Variants in POLR2B observed in about 807,000 individuals in gnomAD.
POLR2B encodes RNA polymerase II subunit B.
Under a neutral mutation model 144.6 loss-of-function variants are expected in POLR2B, and 57 were observed. The ratio of observed to expected loss-of-function variants is 0.39; its 90% CI spans 0.32 to 0.49. The LOEUF is 0.49. POLR2B is among the 20% of genes least tolerant of loss of function. The pLI is 0.83. For synonymous variants in POLR2B, 442 were observed against 469.8 expected (o/e 0.94, Z 0.77); for missense variants, 595 against 1,467.4 (o/e 0.41, Z 9.71).
chr4:56,982,623 C>A lies in POLR2B; in HGVS notation c.19+3619C>A, dbSNP rs571166864. Among the ~76,000 whole-genome samples the A allele has an allele frequency of 6.6e-5, 10 of 151,996 alleles. No homozygotes were observed. In the South Asian group the frequency reaches 1.9e-3, roughly 28 times the overall value. Reference sequence around the variant, plus strand: ...AAAATTGCGTCCTTGTAAAAATGTACAGACTTTTTTTTTCTTGCCATTATT... The same window carrying A: ...AAAATTGCGTCCTTGTAAAAATGTAAAGACTTTTTTTTTCTTGCCATTATT... On this transcript the variant is annotated intron_variant, in intron 1 of 24. Coordinates refer to ENST00000314595, the MANE Select transcript of POLR2B (RefSeq NM_000938.3).
intron 3 of POLR2B, among the ~76,000 whole-genome samples, chr4:56,992,513 A>G (rs1411349425): frequency 1.5e-5 from 2 of 134,646 alleles, no homozygotes; most frequent in East Asian, 2.4e-4. Context: ...TACTTGGTGT[A>G]TTTAGGCTGG....
At chr4:57,003,952 C>A (rs962686921) in intron 7 of POLR2B, among the ~76,000 whole-genome samples, 1 of 150,738 alleles carries the variant, frequency 6.6e-6, no homozygotes, top group Admixed American at 6.6e-5. Flanking sequence ...CAGAGTGAGA[C>A]CCTGTCTCAA....
Position 56,999,430 on chromosome 4 carries a change from G to T in POLR2B, c.736-187G>T, listed in dbSNP as rs1722789703. 2.6e-5 allele frequency among the ~76,000 whole-genome samples: 4 copies of T among 152,028 alleles called. 1 individual carries two copies. In the South Asian group the frequency reaches 8.3e-4, roughly 32 times the overall value. On this transcript the variant is annotated intron_variant, in intron 6 of 24. Transcript: ENST00000314595. ...AGGTCTAAGTGACCTGAGCCTGTAT[G>T]TAAAATTAGTATACTTGTTTCGGTG...
chr4:57,030,660 A>G, intron 24 of POLR2B: 1 of 547,964 alleles, frequency 1.8e-6, no homozygotes. Context: ...TTAAACAATG[A>G]GTTTTTGAAA....
intron 7 of POLR2B, among the ~76,000 whole-genome samples, chr4:57,002,231 G>A (rs1034263937): frequency 6.6e-5 from 10 of 152,210 alleles, no homozygotes; most frequent in African/African-American, 2.4e-4. Flanking sequence ...GTTTTGCCGT[G>A]TTGCCCAGGC....
chr4:57,025,864 T>G (rs1317664422), intron 23 of POLR2B, among the ~76,000 whole-genome samples: 1 of 152,180 alleles, frequency 6.6e-6, no homozygotes, highest in Non-Finnish European at 1.5e-5. Flanking sequence ...TCTTAAGTCC[T>G]TTTTTGAATT....
intron 1 of POLR2B, among the ~76,000 whole-genome samples, chr4:56,985,077 T>C (rs1402084704): frequency 6.6e-6 from 1 of 152,100 alleles, no homozygotes; most frequent in East Asian, 1.9e-4. Flanking sequence ...AGATGATCTG[T>C]AGTATTGACT....
rs1052482770 is a variant in POLR2B, at chr4:56,995,523, A to T, written c.735+114A>T. 11 of 661,230 alleles carry T rather than the reference A, an allele frequency of 1.7e-5. No homozygotes were observed. The South Asian group carries it at 3.0e-4, about 18-fold the overall frequency. The allele number at this position is 661,230 out of a possible 1,614,324, so 41.0% of individuals were successfully genotyped here. On this transcript the variant is annotated intron_variant, in intron 6 of 24. Transcript: ENST00000314595. ...TTTCTGGAGCATATTGTTGTTATAT[A>T]TCGTATTGTTTACCTATCGCTGTGT...
At position 56,982,566 on chromosome 4, in the gene POLR2B, G is replaced by A. The variant is rs144456843; in HGVS notation, c.19+3562G>A. Among the ~76,000 whole-genome samples the A allele has an allele frequency of 9.3e-3, 1,404 of 151,546 alleles. 19 individuals are homozygous for A. Among genetic ancestry groups the A allele is most frequent in the African/African-American group, 0.032 (1,330 of 41,312 alleles). The stretch of plus-strand genomic sequence containing the variant: ...TCAGCCTGGGTAACAGCAAGGCCCT[G>A]TCTCAAAAAACAAAAAAGAGAATAT... On this transcript the variant is annotated intron_variant, in intron 1 of 24. Coordinates refer to ENST00000314595, the MANE Select transcript of POLR2B (RefSeq NM_000938.3).
At position 57,013,980 on chromosome 4, in the gene POLR2B, T is replaced by C. The variant is rs188268575; in HGVS notation, c.1801-1522T>C. Among the ~76,000 whole-genome samples the C allele has an allele frequency of 2.2e-4, 34 of 151,182 alleles. No homozygotes were observed. In the East Asian group the frequency reaches 3.7e-3, roughly 17 times the overall value. On this transcript the variant is annotated intron_variant, in intron 13 of 24. Coordinates refer to ENST00000314595, the MANE Select transcript of POLR2B (RefSeq NM_000938.3). Reference sequence around the variant, plus strand: ...AAAAAAAAAAAGAGAAAAAGACCCATAGAGCTGTATTCTGTTAGGAATGTT... The same window carrying C: ...AAAAAAAAAAAGAGAAAAAGACCCACAGAGCTGTATTCTGTTAGGAATGTT...
In POLR2B at chr4:57,022,357, CT is replaced by C. The variant is rs1265532385; in HGVS notation, c.2515+118del. On this transcript the variant is annotated intron_variant, in intron 18 of 24. Coordinates refer to ENST00000314595, the MANE Select transcript of POLR2B (RefSeq NM_000938.3). ...TGTGCCTGCCCCTGTCCTCCTCTCCCTTTTTTTGTGCAATGAAAGTGTGTTT... is the reference window on the plus strand; with the variant it reads ...TGTGCCTGCCCCTGTCCTCCTCTCCCTTTTTTGTGCAATGAAAGTGTGTTT... 2.9e-5 allele frequency: 19 copies of C among 645,680 alleles called. No individual in the cohort carries two copies. The Middle Eastern group carries it at 7.6e-4, about 26-fold the overall frequency. 40.0% of individuals were successfully genotyped at this position (645,680 alleles called of 1,614,324 possible).
intron 23 of POLR2B, among the ~76,000 whole-genome samples, chr4:57,028,424 G>A (rs1056533011): frequency 1.2e-4 from 19 of 152,156 alleles, no homozygotes; most frequent in East Asian, 3.8e-4. Flanking sequence ...GTGAGTCATC[G>A]TGCCTGGTTG....
intron 23 of POLR2B, among the ~76,000 whole-genome samples, chr4:57,028,375 C>T (rs754146916): frequency 1.8e-4 from 28 of 152,260 alleles, no homozygotes; most frequent in Admixed American, 5.2e-4. Flanking sequence ...CTCAATCCAG[C>T]CTCTCACCTT....
intron 2 of POLR2B, among the ~76,000 whole-genome samples, chr4:56,989,099 A>G (rs1041522556): frequency 6.6e-6 from 1 of 152,230 alleles, no homozygotes; most frequent in Admixed American, 6.5e-5. Context: ...AAGTAACTTC[A>G]TAAGATGACT....
intron 24 of POLR2B, chr4:57,030,680 T>C: frequency 1.8e-6 from 1 of 556,694 alleles, no homozygotes; most frequent in Admixed American, 3.3e-5. Flanking sequence ...AACCTTTTAG[T>C]TGAGGTGGGT....
chr4:57,023,004 G>A lies in POLR2B; in HGVS notation c.2516-326G>A, dbSNP rs1051823666. On this transcript the variant is annotated intron_variant, in intron 18 of 24. Transcript: ENST00000314595. This position sits in a 1 kb window ranked among gnomAD's most constrained non-coding sequence, Gnocchi z 4.3. ...AAAAAATTTTTCTCCTGTACCCACT[G>A]ATGGCAGAGATATTCTTTCTCTTGT... Among the ~76,000 whole-genome samples the A allele has an allele frequency of 1.3e-5, 2 of 152,180 alleles. No individual in the cohort carries two copies. The highest frequency in any genetic ancestry group is 2.9e-5 in the Non-Finnish European group (2 of 68,036).
chr4:56,980,930 G>C (rs529384044), intron 1 of POLR2B, among the ~76,000 whole-genome samples: 1 of 151,194 alleles, frequency 6.6e-6, no homozygotes, highest in African/African-American at 2.4e-5. Flanking sequence ...TCAGCCTCCC[G>C]AGTAGCTGAG....
Position 56,996,478 on chromosome 4 carries a change from G to T in POLR2B, c.735+1069G>T, listed in dbSNP as rs562119528. ...TTTTTGTATTTTTAGTAGAGATGGG[G>T]TTTCACCGTGTTAGCCAGGATGGTC... On this transcript the variant is annotated intron_variant, in intron 6 of 24. Transcript: ENST00000314595. Among the ~76,000 whole-genome samples the T allele has an allele frequency of 4.2e-4, 63 of 150,792 alleles. No homozygotes were observed. The East Asian group carries it at 0.012, about 29-fold the overall frequency.
intron 7 of POLR2B, among the ~76,000 whole-genome samples, chr4:57,000,947 C>G (rs934581110): frequency 6.6e-6 from 1 of 151,990 alleles, no homozygotes; most frequent in African/African-American, 2.4e-5. Flanking sequence ...CTGCCCACCT[C>G]GGCCTCCCAA....
Sources: gnomAD v4.1 joint callset for allele counts (sites outside exome capture counted in the v4.1 genomes callset) on GRCh38, gnomAD v4.1.1 for gene constraint, Gnocchi (gnomAD v3.1) non-coding constraint, MANE v1.5 for transcripts, NCBI Gene and HGNC (gene_info 2026-07-23, HGNC 2026-07-21) for gene names.